TRPV3: variants seen among roughly 807,000 people sequenced by gnomAD.
TRPV3 encodes the protein VRL-3.
In TRPV3, 88 loss-of-function variants were observed where a neutral mutation model predicts 87.1. The ratio of observed to expected loss-of-function variants is 1.01; its 90% CI spans 0.85 to 1.21. The LOEUF (loss-of-function observed/expected upper bound fraction) is 1.21, where lower values mean the gene tolerates loss of function less well. Ranked by LOEUF, TRPV3 falls within the 50% of genes most tolerant of loss-of-function variation. TRPV3 has a pLI of 0.00. For synonymous variants in TRPV3, 438 were observed against 423.3 expected (o/e 1.03, Z -0.43); for missense variants, 1,054 against 1,030.1 (o/e 1.02, Z -0.32).
chr17:3,556,880 A>C lies in TRPV3; in HGVS notation c.-3+796T>G, dbSNP rs1378369475. Among the ~76,000 whole-genome samples, 1 of 152,102 alleles carries C rather than the reference A, an allele frequency of 6.6e-6. No individual in the cohort carries two copies. Among genetic ancestry groups the C allele is most frequent in the Non-Finnish European group, 1.5e-5 (1 of 68,002 alleles). ...TGGACTAAAAGGCTGGGATGCACCG[A>C]GCGTGAAGGAGACAGAAGAAGGGCA... On this transcript the variant is annotated intron_variant, in intron 1 of 17. Coordinates refer to ENST00000576742, the MANE Select transcript of TRPV3 (RefSeq NM_145068.4). The surrounding 1 kb of genome is among the most constrained non-coding windows in gnomAD (Gnocchi z 4.2).
At chr17:3,545,844 G>A (rs903725520) in intron 2 of TRPV3, among the ~76,000 whole-genome samples, 6 of 145,072 alleles carry the variant, frequency 4.1e-5, no homozygotes, top group Non-Finnish European at 7.6e-5. Context: ...AAAAAAAGTA[G>A]CTGGGCATGA....
At chr17:3,539,370 T>C (rs2074437932) in intron 6 of TRPV3, among the ~76,000 whole-genome samples, 1 of 151,972 alleles carries the variant, frequency 6.6e-6, no homozygotes, top group Non-Finnish European at 1.5e-5. Context: ...TGGATGTTGT[T>C]AGGCTGGGTG....
At position 3,524,197 on chromosome 17, in the gene TRPV3, C is replaced by T. The variant is rs1478453785; in HGVS notation, c.1743+1G>A. On this transcript the variant is annotated splice_donor_variant, in intron 13 of 17. Transcript: ENST00000576742. LOFTEE classifies it high-confidence loss of function. ...TCCCGCCGGCGCAGCTCTCAACGCA[C>T]CTTCTGGATCATGACGCTGTACATG... is the stretch of plus-strand genomic sequence containing the variant. The T allele has an allele frequency of 6.2e-7, 1 of 1,613,896 alleles. No homozygotes were observed. The highest frequency in any genetic ancestry group is 8.5e-7 in the Non-Finnish European group (1 of 1,179,902).
intron 8 of TRPV3, 77 bp downstream of exon 8, chr17:3,532,580 G>A: frequency 6.5e-7 from 1 of 1,534,436 alleles, no homozygotes; most frequent in Non-Finnish European, 8.8e-7. Context: ...CCCCAGTAAG[G>A]CCCCCGGGGC....
chr17:3,551,525 G>C (rs150903276), intron 2 of TRPV3, among the ~76,000 whole-genome samples: 3 of 152,298 alleles, frequency 2.0e-5, no homozygotes, highest in East Asian at 3.9e-4. Context: ...CTGCATTTCT[G>C]TTCCTTAAAG....
rs568242770 is a variant in TRPV3 at position 3,518,234 on chromosome 17, T to C, written c.2085+342A>G. 4.9e-4 allele frequency among the ~76,000 whole-genome samples: 74 copies of C among 152,216 alleles called. No individual in the cohort carries two copies. Among genetic ancestry groups the C allele is most frequent in the African/African-American group, 9.4e-4 (39 of 41,516 alleles). ...CATGTAAGAAGTGTTCAGGCCAGGATAGAATAGAGCAGAACTGTCACCTCC... is the reference window on the plus strand; with the variant it reads ...CATGTAAGAAGTGTTCAGGCCAGGACAGAATAGAGCAGAACTGTCACCTCC... On this transcript the variant is annotated intron_variant, in intron 15 of 17. Coordinates refer to ENST00000576742, the MANE Select transcript of TRPV3 (RefSeq NM_145068.4). This position sits in a 1 kb window ranked among gnomAD's most constrained non-coding sequence, Gnocchi z 4.3.
rs773289563 is a variant in TRPV3, at chr17:3,532,982, A to G, written c.785-45T>C. 30 of 1,601,108 alleles carry G rather than the reference A, an allele frequency of 1.9e-5. No individual in the cohort carries two copies. The Middle Eastern group carries it at 3.0e-3, about 159-fold the overall frequency. On this transcript the variant is annotated intron_variant, in intron 7 of 17. Transcript: ENST00000576742. ...AAGCTTGGTTCTCTCATGGGCCGGAAGCAGCGTCCCCCAAGCCCCAGGACT... is the reference window on the plus strand; with the variant it reads ...AAGCTTGGTTCTCTCATGGGCCGGAGGCAGCGTCCCCCAAGCCCCAGGACT...
chr17:3,545,359 C>T lies in TRPV3; in HGVS notation c.120-88G>A, dbSNP rs557439602. On this transcript the variant is annotated intron_variant, in intron 2 of 17. Coordinates refer to ENST00000576742, the MANE Select transcript of TRPV3 (RefSeq NM_145068.4). ...TGCCTCCTGGCCCCAGAGGGTGCCC[C>T]CATGCTGAGCACACACCCTGGCCAG... is the stretch of plus-strand genomic sequence containing the variant. 315 of 982,420 alleles carry T rather than the reference C, an allele frequency of 3.2e-4. 5 individuals are homozygous for T. In the South Asian group the frequency reaches 4.6e-3, roughly 14 times the overall value. 60.9% of individuals were successfully genotyped at this position (982,420 alleles called of 1,614,324 possible). A position where few individuals can be genotyped will look rare whatever the true frequency, so the allele number is the denominator to read the frequency against.
In TRPV3 at chr17:3,510,667, T is replaced by G. The variant is rs2074100224; in HGVS notation, c.*3250A>C. The G allele has an allele frequency of 6.6e-6, 1 of 152,200 alleles. No individual in the cohort carries two copies. The highest frequency in any genetic ancestry group is 1.5e-5 in the Non-Finnish European group (1 of 68,044). The allele number at this position is 152,200 out of a possible 1,614,324, so 9.4% of individuals were successfully genotyped here. On this transcript the variant is annotated 3_prime_UTR_variant, in exon 18 of 18. Coordinates refer to ENST00000576742, the MANE Select transcript of TRPV3 (RefSeq NM_145068.4). ...GAGAATTTACAAGGATCCGGCACATTCAAGGGAGAATGGGGTGACGATTCT... is the reference window on the plus strand; with the variant it reads ...GAGAATTTACAAGGATCCGGCACATGCAAGGGAGAATGGGGTGACGATTCT...
At chr17:3,549,174 G>T (rs567910823) in intron 2 of TRPV3, among the ~76,000 whole-genome samples, 1 of 152,294 alleles carries the variant, frequency 6.6e-6, no homozygotes, top group East Asian at 1.9e-4. Context: ...TTTTCCCCAA[G>T]AATGTTGGTC....
At chr17:3,554,326 G>C (rs2074606392) in intron 2 of TRPV3, 1 of 170,420 alleles carries the variant, frequency 5.9e-6, no homozygotes, top group Non-Finnish European at 1.2e-5. Flanking sequence ...TGGGTGCAGA[G>C]TGGATGGAAA....
chr17:3,519,759 T>C (rs1481245135), intron 14 of TRPV3, among the ~76,000 whole-genome samples: 1 of 126,190 alleles, frequency 7.9e-6, no homozygotes, highest in Non-Finnish European at 1.7e-5. Context: ...GATGGATGAA[T>C]GATTAGATGG....
At chr17:3,535,485 T>C (rs2074400329) in intron 7 of TRPV3, 88 bp downstream of exon 7, 5 of 986,894 alleles carry the variant, frequency 5.1e-6, no homozygotes, top group Non-Finnish European at 5.1e-6. Flanking sequence ...CCCTCCTCCC[T>C]TCTTCCCTCC....
intron 2 of TRPV3, among the ~76,000 whole-genome samples, chr17:3,550,359 G>T (rs916551991): frequency 6.6e-6 from 1 of 152,000 alleles, no homozygotes; most frequent in Non-Finnish European, 1.5e-5. Context: ...CATATCACAA[G>T]AGTGTGTATC....
At chr17:3,553,201 C>T (rs1219265781) in intron 2 of TRPV3, 1 of 152,560 alleles carries the variant, frequency 6.6e-6, no homozygotes, top group African/African-American at 2.4e-5. Context: ...TGTGCTGCCC[C>T]CTCCTCTTTA....
chr17:3,517,619 C>CAAAAAAA (rs34610978), intron 15 of TRPV3, among the ~76,000 whole-genome samples: 3 of 65,358 alleles, frequency 4.6e-5, no homozygotes, highest in African/African-American at 2.0e-4. Context: ...GACCCTGTCT[C>CAAAAAAA]AAAAAAAAAA....
chr17:3,533,148 T>A (rs2074364406), intron 7 of TRPV3, among the ~76,000 whole-genome samples: 1 of 152,106 alleles, frequency 6.6e-6, no homozygotes, highest in Non-Finnish European at 1.5e-5. Flanking sequence ...CCTGGCCCTT[T>A]AATACTCTGC....
Position 3,545,166 on chromosome 17 carries a change from C to T in TRPV3, c.224+1G>A, listed in dbSNP as rs765355465. 1 of 1,612,764 alleles carries T rather than the reference C, an allele frequency of 6.2e-7. No individual in the cohort carries two copies. The highest frequency in any genetic ancestry group is 8.5e-7 in the Non-Finnish European group (1 of 1,178,952). Reference sequence around the variant, plus strand: ...GGGGTTGGGCTGGGGCCCGTACTCACCACTGCCGGATGTTGGAATCCATGG... The same window carrying T: ...GGGGTTGGGCTGGGGCCCGTACTCATCACTGCCGGATGTTGGAATCCATGG... On this transcript the variant is annotated splice_donor_variant, in intron 3 of 17. Coordinates refer to ENST00000576742, the MANE Select transcript of TRPV3 (RefSeq NM_145068.4). LOFTEE classifies it high-confidence loss of function.
intron 13 of TRPV3, among the ~76,000 whole-genome samples, chr17:3,522,554 C>T (rs899523437): frequency 1.3e-5 from 2 of 148,580 alleles, no homozygotes; most frequent in Non-Finnish European, 3.0e-5. Context: ...TTTGTTGATT[C>T]CCCCCCCCAC....
Sources: gnomAD v4.1 joint callset for allele counts (sites outside exome capture counted in the v4.1 genomes callset) on GRCh38, gnomAD v4.1.1 for gene constraint, Gnocchi (gnomAD v3.1) non-coding constraint, MANE v1.5 for transcripts, NCBI Gene and HGNC (gene_info 2026-07-23, HGNC 2026-07-21) for gene names.